SLAIN2: variants seen among roughly 807,000 people sequenced by gnomAD.
SLAIN2 encodes SLAIN motif-containing protein 2.
A neutral mutation model predicts 56.6 loss-of-function variants in SLAIN2; 31 were observed. The observed-to-expected ratio is 0.55, with a 90% CI of 0.41 to 0.74. SLAIN2 has a LOEUF of 0.74. SLAIN2 is among the 30% of genes least tolerant of loss of function. The pLI, the probability that SLAIN2 is intolerant of heterozygous loss-of-function variation, is 0.00. For synonymous variants in SLAIN2, 317 were observed against 284.9 expected, an observed-to-expected ratio of 1.11 and a Z score of -1.13; for missense variants, 777 against 754.2, an observed-to-expected ratio of 1.03 and a Z score of -0.35.
intron 6 of SLAIN2, among the ~76,000 whole-genome samples, chr4:48,395,445 GAA>G (rs66798472): frequency 2.1e-5 from 3 of 145,816 alleles, no homozygotes; most frequent in African/African-American, 7.6e-5. Context: ...GATTTTTTTT[GAA>G]AAAAAAAAGG....
chr4:48,368,248 AT>A, intron 1 of SLAIN2, among the ~76,000 whole-genome samples: 1 of 151,754 alleles, frequency 6.6e-6, no homozygotes, highest in South Asian at 2.1e-4. Flanking sequence ...TGGGGTTTGT[AT>A]TTTTAGTAGA....
At chr4:48,347,917 C>T (rs1219438265) in intron 1 of SLAIN2, among the ~76,000 whole-genome samples, 1 of 152,180 alleles carries the variant, frequency 6.6e-6, no homozygotes, top group Non-Finnish European at 1.5e-5. Flanking sequence ...TTTCACAGTA[C>T]ATCCATGTGG....
intron 6 of SLAIN2, among the ~76,000 whole-genome samples, chr4:48,392,750 C>G (rs79097678): frequency 6.6e-6 from 1 of 152,006 alleles, no homozygotes; most frequent in African/African-American, 2.4e-5. Context: ...AAATCGCCTA[C>G]TTCCTGTCCC....
intron 1 of SLAIN2, among the ~76,000 whole-genome samples, chr4:48,367,855 A>C (rs1273735274): frequency 6.6e-6 from 1 of 152,100 alleles, no homozygotes; most frequent in African/African-American, 2.4e-5. Context: ...ACAATGATCA[A>C]ACCATTACCA....
rs1279026592 is a variant in SLAIN2, at chr4:48,394,471, C to G, written c.1360+10687C>G. 5 of 850,422 alleles carry G rather than the reference C, an allele frequency of 5.9e-6. No individual in the cohort carries two copies. In the Admixed American group the frequency reaches 1.3e-4, roughly 22 times the overall value. The allele number at this position is 850,422 out of a possible 1,614,324, so 52.7% of individuals were successfully genotyped here. A position where few individuals can be genotyped will look rare whatever the true frequency, so the allele number is the denominator to read the frequency against. ...ATATTTGCACCTTATGGCTTCTGTT[C>G]TTTGATACATTTTTAAGTTTGTATT... On this transcript the variant is annotated intron_variant, in intron 6 of 7. Transcript: ENST00000264313.
intron 6 of SLAIN2, among the ~76,000 whole-genome samples, chr4:48,405,911 C>G (rs1335138713): frequency 2.0e-5 from 3 of 152,238 alleles, no homozygotes; most frequent in Admixed American, 2.0e-4. Flanking sequence ...AACGTGGCAC[C>G]TTCCAAAGGT....
chr4:48,346,059 ATAC>A (rs1407097167), intron 1 of SLAIN2, among the ~76,000 whole-genome samples: 1 of 152,246 alleles, frequency 6.6e-6, no homozygotes, highest in Non-Finnish European at 1.5e-5. Flanking sequence ...ACAATGAAGA[ATAC>A]TACATTACTA....
At position 48,363,455 on chromosome 4, in the gene SLAIN2, C is replaced by T. The variant is rs1189291545; in HGVS notation, c.390-6394C>T. On this transcript the variant is annotated intron_variant, in intron 1 of 7. Transcript: ENST00000264313. ...GCCGGGCGGGGGGCTGACACCCCCA[C>T]CTACCTCCCGGACGGGGCGGCTGGC... Among the ~76,000 whole-genome samples, 27 of 64,506 alleles carry T rather than the reference C, an allele frequency of 4.2e-4. 3 individuals are homozygous for T. The highest frequency in any genetic ancestry group is 3.4e-3 in the Admixed American group (26 of 7,660). 42.3% of individuals were successfully genotyped at this position (64,506 alleles called of 152,430 possible). A position where few individuals can be genotyped will look rare whatever the true frequency, so the allele number is the denominator to read the frequency against.
chr4:48,400,868 TTTAGTTGTCGTG>T (rs1333323136), intron 6 of SLAIN2, among the ~76,000 whole-genome samples: 1 of 152,150 alleles, frequency 6.6e-6, no homozygotes, highest in Non-Finnish European at 1.5e-5. Context: ...CTCTAGTTCT[TTTAGTTGTCGTG>T]TTAGGTTGTT....
In SLAIN2 at chr4:48,369,819, A is replaced by G. The variant is rs768563485; in HGVS notation, c.390-30A>G. 10 of 1,598,774 alleles carry G rather than the reference A, an allele frequency of 6.3e-6. No individual in the cohort carries two copies. In the East Asian group the frequency reaches 1.6e-4, roughly 25 times the overall value. ...TTATATAACCTTGTGCTTAATAAGG[A>G]ATTTTCTGTTTTTTGTTGTCTTCTT... is the stretch of plus-strand genomic sequence containing the variant. On this transcript the variant is annotated intron_variant, in intron 1 of 7. Coordinates refer to ENST00000264313, the MANE Select transcript of SLAIN2 (RefSeq NM_020846.2).
intron 1 of SLAIN2, among the ~76,000 whole-genome samples, chr4:48,351,095 C>T (rs1317281042): frequency 6.6e-6 from 1 of 152,214 alleles, no homozygotes; most frequent in Non-Finnish European, 1.5e-5. Flanking sequence ...AGCTTCTGCT[C>T]CTCTCTCTGT....
intron 1 of SLAIN2, among the ~76,000 whole-genome samples, chr4:48,345,990 T>TGAAA (rs35786072): frequency 0.91 from 138,097 of 151,940 alleles, 64,237 homozygotes; most frequent in East Asian, 1. Flanking sequence ...GTAGACATTA[T>TGAAA]GATTTTGTAA....
At chr4:48,375,888 C>T (rs1715797499) in intron 2 of SLAIN2, among the ~76,000 whole-genome samples, 1 of 152,220 alleles carries the variant, frequency 6.6e-6, no homozygotes, top group African/African-American at 2.4e-5. Context: ...TACTCATCCT[C>T]TCAAGACTGC....
At chr4:48,387,302 G>GT (rs1386312576) in intron 6 of SLAIN2, 1 of 152,098 alleles carries the variant, frequency 6.6e-6, no homozygotes, top group Non-Finnish European at 1.5e-5. Context: ...GCCTTCTCTA[G>GT]TGGTAGAATT....
intron 6 of SLAIN2, among the ~76,000 whole-genome samples, chr4:48,394,951 A>G (rs1716339105): frequency 6.6e-6 from 1 of 152,198 alleles, no homozygotes; most frequent in South Asian, 2.1e-4. Context: ...GAACTTCATA[A>G]GTGCTTTAAA....
At chr4:48,421,953 T>C (rs1717166236) in intron 7 of SLAIN2, 58 bp from the exon 8 acceptor site, 2 of 1,269,346 alleles carry the variant, frequency 1.6e-6, no homozygotes, top group Non-Finnish European at 2.3e-6. Flanking sequence ...TGAGATAGTA[T>C]GGTACTATTT....
At chr4:48,364,043 G>A (rs1335219979) in intron 1 of SLAIN2, among the ~76,000 whole-genome samples, 1 of 95,914 alleles carries the variant, frequency 1.0e-5, no homozygotes, top group East Asian at 3.0e-4. Flanking sequence ...CCCAGATGGG[G>A]TGGCTGCCGG....
Position 48,376,893 on chromosome 4 carries a change from G to A in SLAIN2, c.539-1003G>A, listed in dbSNP as rs545311920. 1.4e-3 allele frequency among the ~76,000 whole-genome samples: 197 copies of A among 145,172 alleles called. 1 individual carries two copies. Among genetic ancestry groups the A allele is most frequent in the African/African-American group, 4.8e-3 (189 of 39,454 alleles). On this transcript the variant is annotated intron_variant, in intron 2 of 7. Coordinates refer to ENST00000264313, the MANE Select transcript of SLAIN2 (RefSeq NM_020846.2). ...CCCAAAGTGCTGGGATTACAAGCGT[G>A]AGCCACCGCGCCCGGCCGACTTTTT...
At chr4:48,420,465 T>C in intron 7 of SLAIN2, 22 bp downstream of exon 7, 1 of 1,611,002 alleles carries the variant, frequency 6.2e-7, no homozygotes. Context: ...ATGTTCTGTT[T>C]CAGCATTCTT....
Sources: allele counts gnomAD v4.1 joint callset (sites outside exome capture counted in the v4.1 genomes callset), GRCh38; gene constraint gnomAD v4.1.1; transcripts MANE v1.5; gene names NCBI Gene and HGNC (gene_info 2026-07-23, HGNC 2026-07-21).